Variants in HDAC9 observed in about 807,000 individuals in gnomAD.
The protein encoded by HDAC9 is MEF-2 interacting transcription repressor (MITR) protein.
A neutral mutation model predicts 139.4 loss-of-function variants in HDAC9; 41 were observed. The ratio of observed to expected loss-of-function variants is 0.29; its 90% CI spans 0.23 to 0.38. The LOEUF (loss-of-function observed/expected upper bound fraction) is 0.38. Among genes scored for constraint, HDAC9 ranks in the 10% least tolerant of loss-of-function variants. HDAC9 has a pLI of 1.00. For missense variants in HDAC9, 1,147 were observed against 1,297.0 expected (o/e 0.88, Z 1.78); for synonymous variants, 517 against 476.2 (o/e 1.09, Z -1.12).
chr7:18,135,013 T>C (rs1005440220), intron 1 of HDAC9, among the ~76,000 whole-genome samples: 1 of 152,168 alleles, frequency 6.6e-6, no homozygotes, highest in East Asian at 1.9e-4. Context: ...ACAGATCTAA[T>C]TTAAATCCTG....
chr7:18,202,571 A>T (rs941702952), intron 2 of HDAC9, among the ~76,000 whole-genome samples: 2 of 152,236 alleles, frequency 1.3e-5, no homozygotes, highest in African/African-American at 2.4e-5. Flanking sequence ...GATAAAAAAG[A>T]TACAGAATTG....
intron 2 of HDAC9, among the ~76,000 whole-genome samples, chr7:18,250,217 A>G (rs1274466598): frequency 6.6e-6 from 1 of 152,246 alleles, no homozygotes; most frequent in East Asian, 1.9e-4. Flanking sequence ...GAAGCAGAAG[A>G]GCAAACAGCA....
At chr7:18,575,547 G>T (rs897191138) in intron 2 of HDAC9, among the ~76,000 whole-genome samples, 1 of 152,214 alleles carries the variant, frequency 6.6e-6, no homozygotes, top group African/African-American at 2.4e-5. Flanking sequence ...ATGTTGTCAC[G>T]TGTCAGCACA....
intron 1 of HDAC9, among the ~76,000 whole-genome samples, chr7:18,298,416 T>A (rs1055426627): frequency 6.6e-6 from 1 of 152,064 alleles, no homozygotes; most frequent in Non-Finnish European, 1.5e-5. Context: ...AGGTATATCT[T>A]CCAATGCTAT....
intron 25 of HDAC9, among the ~76,000 whole-genome samples, chr7:18,992,112 A>T (rs1301838346): frequency 6.6e-6 from 1 of 152,378 alleles, no homozygotes; most frequent in Middle Eastern, 3.4e-3. Context: ...CATTTTATAT[A>T]CACAAAATAT....
chr7:18,650,938 T>C (rs1279464601), intron 11 of HDAC9, among the ~76,000 whole-genome samples: 1 of 152,118 alleles, frequency 6.6e-6, no homozygotes, highest in Non-Finnish European at 1.5e-5. Context: ...CATATTCACG[T>C]TGGGTATTCT....
At chr7:18,881,376 T>C (rs1451955872) in intron 22 of HDAC9, among the ~76,000 whole-genome samples, 1 of 152,132 alleles carries the variant, frequency 6.6e-6, no homozygotes, top group African/African-American at 2.4e-5. Flanking sequence ...TCTCAATGGA[T>C]ATTTATTCTT....
intron 2 of HDAC9, among the ~76,000 whole-genome samples, chr7:18,520,389 C>T (rs928371973): frequency 6.6e-6 from 1 of 152,070 alleles, no homozygotes; most frequent in African/African-American, 2.4e-5. Flanking sequence ...AAATGTCACT[C>T]ACTATTAATA....
At chr7:18,328,338 G>T (rs576559822) in intron 1 of HDAC9, among the ~76,000 whole-genome samples, 1 of 120,612 alleles carries the variant, frequency 8.3e-6, no homozygotes, top group East Asian at 2.5e-4. Flanking sequence ...TGGAGATCCA[G>T]ACACTTACGG....
intron 12 of HDAC9, among the ~76,000 whole-genome samples, chr7:18,702,274 C>T (rs1010328113): frequency 7.9e-5 from 12 of 152,156 alleles, no homozygotes; most frequent in African/African-American, 2.7e-4. Flanking sequence ...AATTGTTCTG[C>T]CTCTAGTGCT....
intron 12 of HDAC9, among the ~76,000 whole-genome samples, chr7:18,719,566 C>T (rs1784984794): frequency 6.6e-6 from 1 of 152,090 alleles, no homozygotes; most frequent in African/African-American, 2.4e-5. Flanking sequence ...TCTTGAACTC[C>T]TGACCTCAGG....
chr7:18,441,244 C>T (rs756652582), intron 1 of HDAC9, among the ~76,000 whole-genome samples: 7 of 152,176 alleles, frequency 4.6e-5, no homozygotes, highest in Non-Finnish European at 8.8e-5. Context: ...GTGTAGACAT[C>T]TGACCTTTTT....
chr7:18,648,739 C>G (rs1419169072), intron 11 of HDAC9, 56 bp downstream of exon 11: 3 of 1,419,972 alleles, frequency 2.1e-6, no homozygotes, highest in Non-Finnish European at 2.9e-6. Flanking sequence ...AATTGGGTAT[C>G]TCTTCACTGA....
intron 2 of HDAC9, among the ~76,000 whole-genome samples, chr7:18,181,401 A>G (rs1253010957): frequency 2.6e-5 from 4 of 152,196 alleles, no homozygotes; most frequent in African/African-American, 9.7e-5. Context: ...AATAAAGGTA[A>G]AAGAGACAAT....
intron 1 of HDAC9, among the ~76,000 whole-genome samples, chr7:18,442,256 C>CCCTATGTA (rs1246524020): frequency 7.2e-5 from 11 of 152,134 alleles, no homozygotes; most frequent in Non-Finnish European, 1.5e-4. Flanking sequence ...CATTTTCTAC[C>CCCTATGTA]CCTATGTATA....
intron 1 of HDAC9, among the ~76,000 whole-genome samples, chr7:18,353,747 G>A (rs1783036947): frequency 6.6e-6 from 1 of 152,142 alleles, no homozygotes; most frequent in Non-Finnish European, 1.5e-5. Flanking sequence ...TTCTGCCTAA[G>A]CAGACTTTGC....
At chr7:18,809,877 C>T (rs1005119189) in intron 17 of HDAC9, among the ~76,000 whole-genome samples, 19 of 151,922 alleles carry the variant, frequency 1.3e-4, no homozygotes, top group African/African-American at 4.6e-4. Flanking sequence ...AATATTCATA[C>T]AGAGGAATTG....
At chr7:18,184,485 C>T (rs1789750262) in intron 2 of HDAC9, among the ~76,000 whole-genome samples, 1 of 152,134 alleles carries the variant, frequency 6.6e-6, no homozygotes, top group Non-Finnish European at 1.5e-5. Flanking sequence ...TCATACATAC[C>T]ATATGCAAAT....
chr7:18,235,347 A>G (rs898031767), intron 2 of HDAC9, among the ~76,000 whole-genome samples: 23 of 152,198 alleles, frequency 1.5e-4, no homozygotes, highest in African/African-American at 5.5e-4. Context: ...GTATTCTGGT[A>G]AATGTTTTAA....
Sources: gnomAD v4.1 joint callset for allele counts (sites outside exome capture counted in the v4.1 genomes callset) on GRCh38, gnomAD v4.1.1 for gene constraint, MANE v1.5 for transcripts, NCBI Gene and HGNC (gene_info 2026-07-23, HGNC 2026-07-21) for gene names.